Variants in CD160 observed in about 807,000 individuals in gnomAD.
CD160 encodes CD160 antigen.
CD160 carries 11 observed loss-of-function variants against 19.2 expected under a neutral mutation model. The observed-to-expected ratio is 0.57, with a 90% CI of 0.36 to 0.95. The LOEUF (loss-of-function observed/expected upper bound fraction) is 0.95. Among genes scored for constraint, CD160 ranks in the 40% least tolerant of loss-of-function variants. The pLI, the probability that CD160 is intolerant of heterozygous loss-of-function variation, is 0.01. For missense variants in CD160, 182 were observed against 213.2 expected, an observed-to-expected ratio of 0.85 and a Z score of 0.91; for synonymous variants, 75 against 81.1, an observed-to-expected ratio of 0.93 and a Z score of 0.40.
At chr1:145,725,142 G>A (rs948725767) in intron 2 of CD160, among the ~76,000 whole-genome samples, 11 of 151,618 alleles carry the variant, frequency 7.3e-5, no homozygotes, top group Non-Finnish European at 1.2e-4. Flanking sequence ...ATACTAGGCC[G>A]GGCGTGGTGG....
chr1:145,725,540 T>A (rs1257564861), intron 2 of CD160, among the ~76,000 whole-genome samples: 3 of 152,192 alleles, frequency 2.0e-5, no homozygotes, highest in African/African-American at 7.2e-5. Context: ...AATCTATTAA[T>A]GTAGATCGCC....
At chr1:145,728,023 T>TA (rs1401850284) in intron 2 of CD160, among the ~76,000 whole-genome samples, 3 of 152,066 alleles carry the variant, frequency 2.0e-5, no homozygotes, top group African/African-American at 4.8e-5. Flanking sequence ...CAATTTAACT[T>TA]AAAAAAATAT....
chr1:145,720,377 TCCATGGCGC>T (rs1656782072), intron 1 of CD160, among the ~76,000 whole-genome samples: 1 of 152,122 alleles, frequency 6.6e-6, no homozygotes, highest in African/African-American at 2.4e-5. Context: ...ACCAAAGAGG[TCCATGGCGC>T]CTTTATGTCA....
intron 2 of CD160, among the ~76,000 whole-genome samples, chr1:145,726,995 T>C (rs587661179): frequency 6.6e-6 from 1 of 152,272 alleles, no homozygotes; most frequent in African/African-American, 2.4e-5. Flanking sequence ...TTCTTGATGG[T>C]ACACACAGTA....
chr1:145,728,930 A>G (rs147805661), intron 3 of CD160, among the ~76,000 whole-genome samples: 438 of 152,234 alleles, frequency 2.9e-3, no homozygotes, highest in African/African-American at 1.0e-2. Flanking sequence ...GCTCTTATAT[A>G]CTATAAATTT....
Position 145,731,146 on chromosome 1 carries a change from T to A in CD160, c.400+76T>A, listed in dbSNP as rs900343. On this transcript the variant is annotated intron_variant, in intron 4 of 5. Coordinates refer to ENST00000369288, the MANE Select transcript of CD160 (RefSeq NM_007053.4). ...TGACAGTGGAGATGTAACCAGATAG[T>A]TCAGGTCCTGGAAAGGCAGTTTCCT... 1,608 of 1,178,558 alleles carry A rather than the reference T, an allele frequency of 1.4e-3. 15 individuals carry two copies. In the African/African-American group the frequency reaches 0.021, roughly 16 times the overall value. 73.0% of individuals were successfully genotyped at this position (1,178,558 alleles called of 1,614,324 possible). A position where few individuals can be genotyped will look rare whatever the true frequency, so the allele number is the denominator to read the frequency against.
chr1:145,733,254 C>T (rs1487436643), intron 4 of CD160, among the ~76,000 whole-genome samples: 2 of 152,242 alleles, frequency 1.3e-5, no homozygotes, highest in South Asian at 2.1e-4. Context: ...CTGCCTCAGC[C>T]GCCCAAATAG....
intron 4 of CD160, among the ~76,000 whole-genome samples, chr1:145,734,804 G>C (rs1166766129): frequency 6.6e-6 from 1 of 152,130 alleles, no homozygotes; most frequent in Admixed American, 6.5e-5. Flanking sequence ...TAGTTAAGAA[G>C]AGACAGGTAA....
At chr1:145,722,428 C>T (rs1656888512) in intron 1 of CD160, among the ~76,000 whole-genome samples, 1 of 152,178 alleles carries the variant, frequency 6.6e-6, no homozygotes, top group Non-Finnish European at 1.5e-5. Flanking sequence ...ACTAAAACGT[C>T]CGCCTCTGCT....
At chr1:145,737,994 GTAGT>G (rs1242803655) in intron 5 of CD160, 1 of 152,288 alleles carries the variant, frequency 6.6e-6, no homozygotes, top group African/African-American at 2.4e-5. Context: ...ATTGAAAGAG[GTAGT>G]ATTCAGTAGA....
At chr1:145,731,400 G>T (rs1393858605) in intron 4 of CD160, among the ~76,000 whole-genome samples, 1 of 152,174 alleles carries the variant, frequency 6.6e-6, no homozygotes, top group Non-Finnish European at 1.5e-5. Context: ...GCCAGGCATG[G>T]TGGCTCATGC....
chr1:145,739,146 A>G lies in CD160; in HGVS notation c.*653A>G, dbSNP rs1353522022. 1 of 152,286 alleles carries G rather than the reference A, an allele frequency of 6.6e-6. No individual in the cohort carries two copies. The highest frequency in any genetic ancestry group is 1.9e-4 in the East Asian group (1 of 5,218). The allele number at this position is 152,286 out of a possible 1,614,324, so 9.4% of individuals were successfully genotyped here. ...CATTTCTCTTTTTAAATAAATGCCC[A>G]TAGCAGTATTTGGAGTCTTTTCTTT... On this transcript the variant is annotated 3_prime_UTR_variant, in exon 6 of 6. Coordinates refer to ENST00000369288, the MANE Select transcript of CD160 (RefSeq NM_007053.4).
chr1:145,734,472 A>G (rs913404966), intron 4 of CD160, among the ~76,000 whole-genome samples: 2 of 152,124 alleles, frequency 1.3e-5, no homozygotes, highest in African/African-American at 4.8e-5. Context: ...GGCACTAGAG[A>G]CTCTATAGCA....
At chr1:145,733,112 C>G (rs1472896431) in intron 4 of CD160, among the ~76,000 whole-genome samples, 2 of 151,988 alleles carry the variant, frequency 1.3e-5, no homozygotes, top group African/African-American at 4.8e-5. Context: ...CATGAACTTA[C>G]AACTATCTTA....
intron 1 of CD160, among the ~76,000 whole-genome samples, chr1:145,723,300 T>A (rs1205295002): frequency 6.6e-6 from 1 of 152,218 alleles, no homozygotes; most frequent in Admixed American, 6.5e-5. Context: ...GTTTGTATCC[T>A]ATAGGTCCTA....
chr1:145,733,194 C>T (rs1179825282), intron 4 of CD160, among the ~76,000 whole-genome samples: 2 of 152,030 alleles, frequency 1.3e-5, no homozygotes, highest in Non-Finnish European at 2.9e-5. Context: ...AGAGCAGTGG[C>T]GTGATCTCTG....
In CD160 at chr1:145,732,121, C is replaced by G. The variant is rs782058917; in HGVS notation, c.400+1051C>G. On this transcript the variant is annotated intron_variant, in intron 4 of 5. Transcript: ENST00000369288. ...TCAAATTGTGCCCAACAGAAAGTGTCTCTCTGTGTAACTATATTCCTAGAC... is the reference window on the plus strand; with the variant it reads ...TCAAATTGTGCCCAACAGAAAGTGTGTCTCTGTGTAACTATATTCCTAGAC... Among the ~76,000 whole-genome samples, 30 of 152,238 alleles carry G rather than the reference C, an allele frequency of 2.0e-4. No homozygotes were observed. In the Middle Eastern group the frequency reaches 0.01, roughly 52 times the overall value.
intron 5 of CD160, chr1:145,736,377 G>A (rs782160705): frequency 2.2e-5 from 26 of 1,155,714 alleles, no homozygotes; most frequent in African/African-American, 3.1e-5. Context: ...TAGGAATGAA[G>A]GCCTGTGAGA....
chr1:145,737,293 C>T (rs1657535908), intron 5 of CD160: 1 of 151,356 alleles, frequency 6.6e-6, no homozygotes, highest in Non-Finnish European at 1.5e-5. Context: ...TTGCCCGTCA[C>T]AGCAATTAAT....
Sources: allele counts gnomAD v4.1 joint callset (sites outside exome capture counted in the v4.1 genomes callset), GRCh38; gene constraint gnomAD v4.1.1; transcripts MANE v1.5; gene names NCBI Gene and HGNC (gene_info 2026-07-23, HGNC 2026-07-21).